The following JAML variants were observed in gnomAD, a reference collection of about 807,000 sequenced individuals.
The protein encoded by JAML is junction adhesion molecule like.
Under a neutral mutation model 39.3 loss-of-function variants are expected in JAML, and 25 were observed. The ratio of observed to expected loss-of-function variants is 0.64; its 90% CI spans 0.46 to 0.89. The LOEUF is 0.89. JAML is among the 40% of genes least tolerant of loss of function. The pLI is 0.00. For synonymous variants in JAML, 162 were observed against 179.2 expected (o/e 0.90, Z 0.77); for missense variants, 440 against 486.9 (o/e 0.90, Z 0.91).
rs1948906877 is a variant in JAML, at chr11:118,205,942, C to T, written c.474G>A (p.Gln158=). The change falls in exon 5 of 10, where the codon CAG becomes CAA. Residue 158 remains glutamine (Q), a synonymous_variant. Coordinates refer to ENST00000356289, the MANE Select transcript of JAML (RefSeq NM_001098526.2). ...GGLIQMGCVF[Q]STEVKHVTKV... ...TGGTCACGTGTTTCACTTCTGTGCT[C>T]TGGAAAACACATCCCATCTGAATCA... 6.2e-7 allele frequency: 1 copy of T among 1,614,044 alleles called. No individual in the cohort carries two copies. The highest frequency in any genetic ancestry group is 1.1e-5 in the South Asian group (1 of 91,088).
chr11:118,211,613 T>G (rs1949061171), intron 3 of JAML, among the ~76,000 whole-genome samples: 1 of 152,168 alleles, frequency 6.6e-6, no homozygotes, highest in African/African-American at 2.4e-5. Flanking sequence ...CAATAAAAAT[T>G]TGAATGAGAG....
In JAML at chr11:118,205,945, G is replaced by A; in HGVS notation, c.471C>T (p.Phe157=). Residue 157 remains phenylalanine (F), a synonymous_variant, in exon 5 of 10, where the codon TTC becomes TTT. Transcript: ENST00000356289. ...TCACGTGTTTCACTTCTGTGCTCTG[G>A]AAAACACATCCCATCTGAATCAATC... ...VGGLIQMGCV[F]QSTEVKHVTK... is the part of the protein sequence containing the mutation. 6.2e-7 allele frequency: 1 copy of A among 1,614,110 alleles called. No homozygotes were observed.
At chr11:118,209,698 ATT>A (rs35344617) in intron 4 of JAML, among the ~76,000 whole-genome samples, 10,893 of 149,772 alleles carry the variant, frequency 0.073, 1,039 homozygotes, top group African/African-American at 0.22. Context: ...TATTATTATT[ATT>A]TTTTTTTTAT....
intron 2 of JAML, chr11:118,213,397 G>T: frequency 1.1e-6 from 1 of 948,850 alleles, no homozygotes; most frequent in Non-Finnish European, 1.3e-6. Flanking sequence ...TTTCATCCAA[G>T]CTGTTTCCCT....
chr11:118,197,617 T>G (rs1243795596), intron 8 of JAML: 1 of 177,238 alleles, frequency 5.6e-6, no homozygotes, highest in East Asian at 1.6e-4. Context: ...CCTCCTAGAT[T>G]ACAAAGCATT....
chr11:118,194,454 G>GT (rs748330924), intron 9 of JAML, 37 bp from the exon 10 acceptor site: 4 of 1,529,762 alleles, frequency 2.6e-6, no homozygotes, highest in Non-Finnish European at 3.6e-6. Context: ...AAACATGCTT[G>GT]TAAGAAGTAG....
At chr11:118,198,675 A>G (rs1384050135) in intron 7 of JAML, among the ~76,000 whole-genome samples, 2 of 62,310 alleles carry the variant, frequency 3.2e-5, no homozygotes, top group Non-Finnish European at 6.1e-5. Flanking sequence ...AGTCAGAACT[A>G]AAAAAAAAAA....
intron 4 of JAML, among the ~76,000 whole-genome samples, chr11:118,210,263 G>A (rs1949020021): frequency 6.6e-6 from 1 of 152,140 alleles, no homozygotes; most frequent in Non-Finnish European, 1.5e-5. Flanking sequence ...CTTTTGTGAG[G>A]GGGAAGTGTG....
chr11:118,224,503 CACA>C (rs974830286), intron 1 of JAML, among the ~76,000 whole-genome samples: 4 of 152,064 alleles, frequency 2.6e-5, no homozygotes, highest in African/African-American at 9.7e-5. Context: ...ACATGCATCC[CACA>C]ACATCATGTT....
intron 3 of JAML, among the ~76,000 whole-genome samples, chr11:118,211,092 C>T (rs1276363871): frequency 6.6e-6 from 1 of 152,224 alleles, no homozygotes; most frequent in African/African-American, 2.4e-5. Context: ...TCTATTTTCA[C>T]TAGTGCTGTG....
chr11:118,196,374 C>T (rs946600384), intron 9 of JAML, among the ~76,000 whole-genome samples: 1 of 151,856 alleles, frequency 6.6e-6, no homozygotes, highest in African/African-American at 2.4e-5. Flanking sequence ...GCAATCCGCC[C>T]ACCTCGGCCT....
chr11:118,198,126 CG>C, intron 7 of JAML, 35 bp from the exon 8 acceptor site: 6 of 1,567,374 alleles, frequency 3.8e-6, no homozygotes, highest in Non-Finnish European at 5.3e-6. Context: ...AATTAACCAG[CG>C]GGCATGGTTT....
In JAML at chr11:118,198,073, G is replaced by T. The variant is rs1165624662; in HGVS notation, c.930C>A (p.Val310=). 6.8e-6 allele frequency: 11 copies of T among 1,613,984 alleles called. No homozygotes were observed. The highest frequency in any genetic ancestry group is 9.3e-6 in the Non-Finnish European group (11 of 1,179,956). The part of the protein sequence containing the change: ...CGNKSSVNST[V]LVKNTKKTNP... ...TAGTCTTCTTCGTGTTCTTCACCAA[G>T]ACTGTAGAATTCACTGAACTGCAAG... The change falls in exon 8 of 10, where the codon GTC becomes GTA. Residue 310 remains valine, a synonymous_variant. Coordinates refer to ENST00000356289, the MANE Select transcript of JAML (RefSeq NM_001098526.2).
intron 5 of JAML, 106 bp downstream of exon 5, chr11:118,205,776 C>A: frequency 1.9e-6 from 2 of 1,052,348 alleles, no homozygotes; most frequent in East Asian, 4.8e-5. Context: ...TGATAAGCAC[C>A]AAAGCCCAGG....
intron 4 of JAML, 135 bp downstream of exon 4, chr11:118,210,352 T>C (rs531591381): frequency 3.2e-6 from 2 of 628,018 alleles, no homozygotes; most frequent in East Asian, 5.6e-5. Context: ...ATAATTATGA[T>C]CATTTTTTGA....
At chr11:118,218,377 G>C (rs1284188266) in intron 1 of JAML, among the ~76,000 whole-genome samples, 1 of 152,200 alleles carries the variant, frequency 6.6e-6, no homozygotes, top group Non-Finnish European at 1.5e-5. Flanking sequence ...ACAGGCGTGA[G>C]CTGCTATGCC....
At chr11:118,212,347 T>G in intron 3 of JAML, 60 bp downstream of exon 3, 2 of 1,583,118 alleles carry the variant, frequency 1.3e-6, no homozygotes, top group Non-Finnish European at 1.7e-6. Flanking sequence ...CTTACACCAC[T>G]CTGTCCTGAC....
At chr11:118,215,663 T>C (rs1565484603) in intron 1 of JAML, among the ~76,000 whole-genome samples, 1 of 147,030 alleles carries the variant, frequency 6.8e-6, no homozygotes, top group Non-Finnish European at 1.5e-5. Flanking sequence ...GCACTTTTTA[T>C]CTTATTTTTC....
At chr11:118,203,261 C>T (rs1018466148) in intron 6 of JAML, 167 bp downstream of exon 6, 8 of 759,118 alleles carry the variant, frequency 1.1e-5, no homozygotes, top group Non-Finnish European at 1.9e-5. Context: ...TGAGGAGCCA[C>T]CTCTAAGGAG....
Sources: allele counts gnomAD v4.1 joint callset (sites outside exome capture counted in the v4.1 genomes callset), GRCh38; gene constraint gnomAD v4.1.1; transcripts MANE v1.5; gene names NCBI Gene and HGNC (gene_info 2026-07-23, HGNC 2026-07-21).